The following KCNH8 variants were observed in gnomAD, a reference collection of about 807,000 sequenced individuals.
The protein encoded by KCNH8 is voltage-gated delayed rectifier potassium channel KCNH8.
Under a neutral mutation model 103.6 loss-of-function variants are expected in KCNH8, and 70 were observed. The observed-to-expected ratio is 0.68, with a 90% confidence interval of 0.56 to 0.82. The LOEUF (loss-of-function observed/expected upper bound fraction) is 0.82. Among genes scored for constraint, KCNH8 ranks in the 40% least tolerant of loss-of-function variants. KCNH8 has a pLI of 0.00. For missense variants in KCNH8, 1,217 were observed against 1,329.9 expected (o/e 0.92, Z 1.32); for synonymous variants, 498 against 489.4 (o/e 1.02, Z -0.23).
intron 15 of KCNH8, among the ~76,000 whole-genome samples, chr3:19,531,939 C>CAAAGT (rs899120932): frequency 6.6e-5 from 10 of 152,082 alleles, no homozygotes; most frequent in African/African-American, 2.4e-4. Flanking sequence ...TATAAAAATA[C>CAAAGT]AAAGTATTAT....
In KCNH8 at chr3:19,512,960, A is replaced by G. The variant is rs756819249; in HGVS notation, c.2080-10A>G. ...CAGTCTGTACTAATTTATATTATCC[A>G]CTGATTTAGTCAGAGCCCAAGGGAA... On this transcript the variant is annotated splice_polypyrimidine_tract_variant and intron_variant, in intron 12 of 15. Coordinates refer to ENST00000328405, the MANE Select transcript of KCNH8 (RefSeq NM_144633.3). 6.2e-6 allele frequency: 10 copies of G among 1,608,602 alleles called. No homozygotes were observed. The highest frequency in any genetic ancestry group is 1.1e-5 in the South Asian group (1 of 90,472).
chr3:19,319,947 AT>A (rs1190826612), intron 3 of KCNH8, among the ~76,000 whole-genome samples: 1 of 151,884 alleles, frequency 6.6e-6, no homozygotes, highest in African/African-American at 2.4e-5. Flanking sequence ...TGAGTTCTTG[AT>A]TTGATTCTCA....
intron 1 of KCNH8, among the ~76,000 whole-genome samples, chr3:19,230,521 A>G (rs1249991391): frequency 1.3e-5 from 2 of 152,242 alleles, no homozygotes; most frequent in African/African-American, 4.8e-5. Context: ...CTACTATGCT[A>G]TCTTGAAAGA....
rs1171187975 is a variant in KCNH8, at chr3:19,533,585, T to C, written c.2810T>C (p.Leu937Ser). 5 of 1,614,040 alleles carry C rather than the reference T, an allele frequency of 3.1e-6. No homozygotes were observed. Among genetic ancestry groups the C allele is most frequent in the Admixed American group, 1.7e-5 (1 of 60,006 alleles). Residue 937 changes from leucine (L) to serine (S), a missense_variant, in exon 16 of 16, where the codon TTG becomes TCG. Around this residue, in one of 3 missense-constraint regions of KCNH8, gnomAD observed 558 missense variants for 495.8 expected, o/e 1.13. Transcript: ENST00000328405. Reference sequence around the variant, plus strand: ...AGTGCACACCAGCCTTGCCTACACTTGCAAACAGGCGGGGCTGCTTATACC... The same window carrying C: ...AGTGCACACCAGCCTTGCCTACACTCGCAAACAGGCGGGGCTGCTTATACC... The part of the protein sequence containing the change: ...SWSAHQPCLH[L>S]QTGGAAYTQA...
intron 15 of KCNH8, among the ~76,000 whole-genome samples, chr3:19,519,662 AC>A (rs1430170073): frequency 2.6e-4 from 39 of 151,732 alleles, no homozygotes; most frequent in Admixed American, 2.4e-3. Context: ...AAACAAAAAA[AC>A]AAAACAAAAA....
At position 19,297,040 on chromosome 3, in the gene KCNH8, T is replaced by C. The variant is rs548452500; in HGVS notation, c.442+15711T>C. 1.2e-4 allele frequency among the ~76,000 whole-genome samples: 19 copies of C among 152,272 alleles called. No homozygotes were observed. In the South Asian group the frequency reaches 3.5e-3, roughly 28 times the overall value. ...AAAACATACATATCCAGATGGAATA[T>C]GAAAGCAAACACATTAGAGTACAGT... On this transcript the variant is annotated intron_variant, in intron 3 of 15. Coordinates refer to ENST00000328405, the MANE Select transcript of KCNH8 (RefSeq NM_144633.3).
At chr3:19,397,260 G>T (rs913140492) in intron 7 of KCNH8, among the ~76,000 whole-genome samples, 12 of 151,884 alleles carry the variant, frequency 7.9e-5, no homozygotes, top group African/African-American at 2.9e-4. Context: ...AGAGAGCATT[G>T]TCATGAAGTA....
Position 19,500,591 on chromosome 3 carries a change from A to T in KCNH8, c.2041-9772A>T, listed in dbSNP as rs148044419. Among the ~76,000 whole-genome samples the T allele has an allele frequency of 8.4e-3, 1,280 of 152,362 alleles. 28 individuals are homozygous for T. The highest frequency in any genetic ancestry group is 6.6e-3 in the Non-Finnish European group (448 of 68,038). On this transcript the variant is annotated intron_variant, in intron 11 of 15. Transcript: ENST00000328405. ...ATTATAACAAACTATCTCTCAGACCATAGTGCAATCAAACTAGAATTCAGG... is the reference window on the plus strand; with the variant it reads ...ATTATAACAAACTATCTCTCAGACCTTAGTGCAATCAAACTAGAATTCAGG...
intron 1 of KCNH8, among the ~76,000 whole-genome samples, chr3:19,214,962 C>T (rs1388699520): frequency 6.6e-6 from 1 of 152,182 alleles, no homozygotes; most frequent in Non-Finnish European, 1.5e-5. Context: ...ATTGATGCAC[C>T]AATATCTAAG....
chr3:19,495,174 C>A (rs531900063), intron 11 of KCNH8, among the ~76,000 whole-genome samples: 1 of 152,056 alleles, frequency 6.6e-6, no homozygotes, highest in Non-Finnish European at 1.5e-5. Context: ...CTGATAATTT[C>A]TTTTGCTATA....
At chr3:19,163,721 C>T (rs184618897) in intron 1 of KCNH8, among the ~76,000 whole-genome samples, 1 of 152,282 alleles carries the variant, frequency 6.6e-6, no homozygotes, top group Admixed American at 6.5e-5. Context: ...CCACCTCTGC[C>T]TCCTCCCATG....
At chr3:19,533,099 TA>T (rs2069193566) in intron 15 of KCNH8, among the ~76,000 whole-genome samples, 1 of 150,402 alleles carries the variant, frequency 6.6e-6, no homozygotes, top group Admixed American at 6.7e-5. Context: ...AGCTACTCGG[TA>T]GGCTGAGGCA....
intron 5 of KCNH8, among the ~76,000 whole-genome samples, chr3:19,361,647 A>G (rs1368831977): frequency 6.6e-6 from 1 of 152,130 alleles, no homozygotes. Context: ...ACCAATTTAC[A>G]TATTTGCAAA....
rs190826934 is a variant in KCNH8 at position 19,181,077 on chromosome 3, T to A, written c.76+32282T>A. On this transcript the variant is annotated intron_variant, in intron 1 of 15. Coordinates refer to ENST00000328405, the MANE Select transcript of KCNH8 (RefSeq NM_144633.3). ...TTAACATTTTTATGAAGTTGCTTTC[T>A]TTCCAGTAACATGATATATTTTTAT... Among the ~76,000 whole-genome samples the A allele has an allele frequency of 1.1e-4, 17 of 152,328 alleles. No individual in the cohort carries two copies. In the East Asian group the frequency reaches 3.3e-3, roughly 29 times the overall value.
chr3:19,424,919 G>A (rs1287747267), intron 7 of KCNH8, among the ~76,000 whole-genome samples: 9 of 151,894 alleles, frequency 5.9e-5, no homozygotes, highest in Non-Finnish European at 5.9e-5. Context: ...AAAGTTGAAC[G>A]AACTCCCTGA....
chr3:19,522,366 C>T (rs937713405), intron 15 of KCNH8, among the ~76,000 whole-genome samples: 3 of 151,482 alleles, frequency 2.0e-5, no homozygotes, highest in Admixed American at 6.6e-5. Context: ...AGGCTTGGGA[C>T]TCAAAAAGAG....
At chr3:19,294,895 G>A (rs115960884) in intron 3 of KCNH8, among the ~76,000 whole-genome samples, 55 of 152,194 alleles carry the variant, frequency 3.6e-4, no homozygotes, top group African/African-American at 9.2e-4. Flanking sequence ...GATTGCATTC[G>A]TTCTGATGGT....
At chr3:19,488,172 G>A (rs2068248268) in intron 11 of KCNH8, among the ~76,000 whole-genome samples, 1 of 152,086 alleles carries the variant, frequency 6.6e-6, no homozygotes, top group Non-Finnish European at 1.5e-5. Flanking sequence ...TCCTTCAGTT[G>A]GGGACACTTA....
intron 1 of KCNH8, among the ~76,000 whole-genome samples, chr3:19,152,096 A>G (rs776908684): frequency 6.6e-6 from 1 of 151,938 alleles, no homozygotes; most frequent in Non-Finnish European, 1.5e-5. Context: ...CACATACACC[A>G]CACACACACT....
Sources: gnomAD v4.1 joint callset for allele counts (sites outside exome capture counted in the v4.1 genomes callset) on GRCh38, gnomAD v4.1.1 for gene constraint, gnomAD v4.1.1 regional missense constraint, MANE v1.5 for transcripts, NCBI Gene and HGNC (gene_info 2026-07-23, HGNC 2026-07-21) for gene names.